The following ACSL5 variants were observed in gnomAD, a reference collection of about 807,000 sequenced individuals.
The protein encoded by ACSL5 is long-chain-fatty-acid--CoA ligase 5.
ACSL5 carries 50 observed loss-of-function variants against 84.9 expected under a neutral mutation model. The observed-to-expected ratio is 0.59, with a 90% CI of 0.47 to 0.75. The LOEUF (loss-of-function observed/expected upper bound fraction) is 0.75, where lower values mean the gene tolerates loss of function less well. Ranked by LOEUF, ACSL5 falls within the 30% of genes least tolerant of loss-of-function variation. The probability of loss-of-function intolerance (pLI) is 0.00; values close to 1 mark genes in which losing one functional copy is unlikely to be tolerated. For synonymous variants in ACSL5, 280 were observed against 300.7 expected (o/e 0.93, Z 0.71); for missense variants, 775 against 830.4 (o/e 0.93, Z 0.82).
intron 1 of ACSL5, among the ~76,000 whole-genome samples, chr10:112,391,063 A>C (rs895078078): frequency 2.6e-5 from 4 of 152,194 alleles, no homozygotes; most frequent in Non-Finnish European, 5.9e-5. Context: ...ACATTATGTA[A>C]ATTGTATCTC....
At position 112,427,242 on chromosome 10, in the gene ACSL5, G is replaced by C; in HGVS notation, c.1936G>C (p.Glu646Gln). ...GGTCAAAGCCATTTTTCTTCATCCA[G>C]AGCCATTTTCCATTGAAAATGGGCT... Reference protein sequence around the residue: ...EQVKAIFLHPEPFSIENGLLT... With the variant: ...EQVKAIFLHPQPFSIENGLLT... Residue 646 changes from glutamate (E) to glutamine (Q), a missense_variant, in exon 21 of 21, where the codon GAG becomes CAG. Transcript: ENST00000354655. 6.2e-7 allele frequency: 1 copy of C among 1,612,588 alleles called. No individual in the cohort carries two copies. Among genetic ancestry groups the C allele is most frequent in the Non-Finnish European group, 8.5e-7 (1 of 1,179,542 alleles).
At chr10:112,408,298 C>CAAA (rs369014571) in intron 5 of ACSL5, 124 bp from the exon 6 acceptor site, 165 of 462,374 alleles carry the variant, frequency 3.6e-4, no homozygotes, top group Non-Finnish European at 4.1e-4. Context: ...GGCACTGTCT[C>CAAA]AAAAAAAAAA....
intron 1 of ACSL5, among the ~76,000 whole-genome samples, chr10:112,381,747 T>C (rs1269693910): frequency 1.3e-5 from 2 of 150,432 alleles, no homozygotes; most frequent in African/African-American, 2.5e-5. Flanking sequence ...GGTGGGTGGA[T>C]CACGAGGTCA....
intron 3 of ACSL5, among the ~76,000 whole-genome samples, chr10:112,403,243 G>C (rs1843946289): frequency 6.6e-6 from 1 of 152,220 alleles, no homozygotes; most frequent in South Asian, 2.1e-4. Flanking sequence ...AAGAAACTTA[G>C]ACTATAGTAA....
intron 8 of ACSL5, 43 bp from the exon 9 acceptor site, chr10:112,410,541 T>G: frequency 6.2e-7 from 1 of 1,614,162 alleles, no homozygotes; most frequent in African/African-American, 1.3e-5. Flanking sequence ...TAGTCAACTC[T>G]CAAAGTTCAT....
In ACSL5 at chr10:112,398,931, A is replaced by G; in HGVS notation, c.187A>G (p.Asn63Asp). 1 of 1,614,074 alleles carries G rather than the reference A, an allele frequency of 6.2e-7. No homozygotes were observed. Among genetic ancestry groups the G allele is most frequent in the Non-Finnish European group, 8.5e-7 (1 of 1,179,998 alleles). ...AGCACGGAAGGGGGTTTCCCAGAAG[A>G]ACAATGACCTAACAAGTTGCTGCTT... ...GGARKGVSQK[N>D]NDLTSCCFSD... The change falls in exon 3 of 21, where the codon AAC (asparagine) becomes GAC (aspartate). Residue 63 changes from asparagine to aspartate, a missense_variant. By Grantham distance (23) the Asn-to-Asp change is conservative. Coordinates refer to ENST00000354655, the MANE Select transcript of ACSL5 (RefSeq NM_203379.2).
chr10:112,398,498 C>T (rs1043416841), intron 2 of ACSL5, among the ~76,000 whole-genome samples: 4 of 151,882 alleles, frequency 2.6e-5, no homozygotes, highest in African/African-American at 7.3e-5. Flanking sequence ...TCTGCCTCCC[C>T]GGTTCAAGCC....
At chr10:112,385,468 G>A (rs1849430957) in intron 1 of ACSL5, among the ~76,000 whole-genome samples, 2 of 152,200 alleles carry the variant, frequency 1.3e-5, no homozygotes, top group South Asian at 2.1e-4. Flanking sequence ...AAGAGACAGC[G>A]TCAAATGTAC....
intron 1 of ACSL5, among the ~76,000 whole-genome samples, chr10:112,383,821 T>TG (rs1849397541): frequency 6.6e-6 from 1 of 151,604 alleles, no homozygotes; most frequent in African/African-American, 2.4e-5. Flanking sequence ...TCTTTTTTTT[T>TG]GTAAGTGTGC....
At chr10:112,401,860 CTTT>C (rs1564736602) in intron 3 of ACSL5, among the ~76,000 whole-genome samples, 5 of 130,416 alleles carry the variant, frequency 3.8e-5, no homozygotes, top group African/African-American at 1.4e-4. Context: ...TCCTTCCTTT[CTTT>C]CTTTCTTTTT....
chr10:112,394,953 T>A lies in ACSL5; in HGVS notation c.7T>A (p.Phe3Ile). 2 of 1,613,720 alleles carry A rather than the reference T, an allele frequency of 1.2e-6. No individual in the cohort carries two copies. The highest frequency in any genetic ancestry group is 4.5e-5 in the East Asian group (2 of 44,892). The change falls in exon 2 of 21, where the codon TTT (phenylalanine) becomes ATT (isoleucine). Residue 3 changes from phenylalanine (F) to isoleucine (I), a missense_variant. Coordinates refer to ENST00000354655, the MANE Select transcript of ACSL5 (RefSeq NM_203379.2). ML[F>I]IFNFLFSPLP... is the part of the protein sequence containing the mutation. The stretch of plus-strand genomic sequence containing the variant: ...CCTGCTGCTGTTCACAAAGATGCTT[T>A]TTATCTTTAACTTTTTGTTTTCCCC...
At chr10:112,377,628 T>C (rs1311906637) in intron 1 of ACSL5, among the ~76,000 whole-genome samples, 2 of 152,242 alleles carry the variant, frequency 1.3e-5, no homozygotes, top group Non-Finnish European at 2.9e-5. Context: ...ATTTCTCCCT[T>C]CATATTCTGA....
At chr10:112,378,525 G>A (rs964025485) in intron 1 of ACSL5, among the ~76,000 whole-genome samples, 1 of 152,078 alleles carries the variant, frequency 6.6e-6, no homozygotes, top group East Asian at 1.9e-4. Context: ...GGGATTACAG[G>A]TGTGAGCCAC....
chr10:112,412,269 T>G, intron 11 of ACSL5: 1 of 351,454 alleles, frequency 2.8e-6, no homozygotes, highest in Non-Finnish European at 5.1e-6. Context: ...TATCTGCCCT[T>G]AATTCTGAGC....
chr10:112,376,455 G>C (rs373249667), intron 1 of ACSL5: 2 of 1,613,894 alleles, frequency 1.2e-6, no homozygotes, highest in African/African-American at 1.3e-5. Context: ...CAGGGTAAGG[G>C]GACCATCGAG....
intron 1 of ACSL5, among the ~76,000 whole-genome samples, chr10:112,380,462 CG>C (rs1849327742): frequency 6.6e-6 from 1 of 151,896 alleles, no homozygotes; most frequent in East Asian, 1.9e-4. Flanking sequence ...TGCCACCCCC[CG>C]CCCCCCAACC....
chr10:112,422,698 A>T (rs892906740), intron 17 of ACSL5, among the ~76,000 whole-genome samples: 2 of 152,024 alleles, frequency 1.3e-5, no homozygotes, highest in Admixed American at 1.3e-4. Context: ...TCTACTAAAA[A>T]TACAAAAATT....
chr10:112,388,910 C>A (rs1402798419), intron 1 of ACSL5, among the ~76,000 whole-genome samples: 1 of 152,144 alleles, frequency 6.6e-6, no homozygotes, highest in Non-Finnish European at 1.5e-5. Context: ...AATACAGAGG[C>A]TTCCAGATGG....
intron 1 of ACSL5, among the ~76,000 whole-genome samples, chr10:112,377,086 C>T (rs547690502): frequency 4.9e-4 from 74 of 149,706 alleles, no homozygotes; most frequent in African/African-American, 1.8e-3. Flanking sequence ...ACTCTACCAC[C>T]GGAGACCCTC....
Sources: allele counts gnomAD v4.1 joint callset (sites outside exome capture counted in the v4.1 genomes callset), GRCh38; gene constraint gnomAD v4.1.1; transcripts MANE v1.5; gene names NCBI Gene and HGNC (gene_info 2026-07-23, HGNC 2026-07-21).